Variants in PTPN11 observed in about 807,000 individuals in gnomAD.
The protein encoded by PTPN11 is tyrosine-protein phosphatase non-receptor type 11.
A neutral mutation model predicts 78.8 loss-of-function variants in PTPN11; 6 were observed. The observed-to-expected ratio is 0.08, with a 90% CI of 0.04 to 0.15. PTPN11 has a LOEUF of 0.15. PTPN11 is among the 10% of genes least tolerant of loss of function. PTPN11 has a pLI of 1.00. For missense variants in PTPN11, 386 were observed against 744.8 expected (o/e 0.52, Z 5.61); for synonymous variants, 221 against 263.5 (o/e 0.84, Z 1.56).
chr12:112,455,232 CTT>C (rs997021901), intron 5 of PTPN11, among the ~76,000 whole-genome samples: 64 of 116,266 alleles, frequency 5.5e-4, no homozygotes, highest in African/African-American at 1.8e-3. Context: ...TACAGAGGTT[CTT>C]TTTTTTTTTT....
At chr12:112,472,322 A>G (rs752007544) in intron 6 of PTPN11, among the ~76,000 whole-genome samples, 2 of 152,138 alleles carry the variant, frequency 1.3e-5, no homozygotes, top group Non-Finnish European at 2.9e-5. Context: ...ATGCAAGTGT[A>G]TGATTACATC....
At chr12:112,501,029 C>T (rs776146264) in intron 13 of PTPN11, among the ~76,000 whole-genome samples, 11 of 152,088 alleles carry the variant, frequency 7.2e-5, no homozygotes, top group Non-Finnish European at 1.5e-4. Context: ...CTCAGCCTCC[C>T]GAGTAGCTGG....
intron 15 of PTPN11, among the ~76,000 whole-genome samples, 160 bp from the exon 16 acceptor site, chr12:112,505,656 CAAAAAAAAA>C (rs1191524369): frequency 2.7e-5 from 1 of 36,734 alleles, no homozygotes; most frequent in Non-Finnish European, 6.4e-5. Flanking sequence ...AACTCCATCT[CAAAAAAAAA>C]AAAAAAAAAA....
In PTPN11 at chr12:112,419,013, G is replaced by A; in HGVS notation, c.-99G>A. The A allele has an allele frequency of 6.8e-7, 1 of 1,480,596 alleles. No homozygotes were observed. Among genetic ancestry groups the A allele is most frequent in the Non-Finnish European group, 9.1e-7 (1 of 1,100,172 alleles). The allele number at this position is 1,480,596 out of a possible 1,614,324, so 91.7% of individuals were successfully genotyped here. The stretch of plus-strand genomic sequence containing the variant: ...GCCGGCTGGCTCTGCCCCGCGTCCG[G>A]TCCCGAGCGGGCCTCCCTCGGGCCA... On this transcript the variant is annotated 5_prime_UTR_variant, in exon 1 of 16. Transcript: ENST00000351677.
chr12:112,452,103 T>G (rs1371271195), intron 3 of PTPN11, among the ~76,000 whole-genome samples: 2 of 152,196 alleles, frequency 1.3e-5, no homozygotes, highest in East Asian at 3.8e-4. Flanking sequence ...CTCAAACTCC[T>G]GAACTCAGGT....
chr12:112,442,857 T>TATATATAAATTATATATACAC (rs2037923726), intron 1 of PTPN11, among the ~76,000 whole-genome samples: 1 of 76,142 alleles, frequency 1.3e-5, no homozygotes, highest in African/African-American at 6.4e-5. Context: ...TATATATATA[T>TATATATAAATTATATATACAC]ATATATATAT....
chr12:112,479,881 C>T (rs1200938386), intron 9 of PTPN11, among the ~76,000 whole-genome samples: 1 of 152,140 alleles, frequency 6.6e-6, no homozygotes, highest in East Asian at 1.9e-4. Flanking sequence ...CTGTCTCATT[C>T]TTCCTCTTTA....
At chr12:112,470,796 T>G (rs2038403054) in intron 6 of PTPN11, among the ~76,000 whole-genome samples, 1 of 152,220 alleles carries the variant, frequency 6.6e-6, no homozygotes. Flanking sequence ...GTCGTTTCAC[T>G]TCATTTAGTT....
intron 10 of PTPN11, among the ~76,000 whole-genome samples, chr12:112,484,441 G>A (rs2038643617): frequency 6.6e-6 from 1 of 152,182 alleles, no homozygotes; most frequent in Non-Finnish European, 1.5e-5. Context: ...GAGGCACATG[G>A]TAGAGAGAGA....
intron 6 of PTPN11, among the ~76,000 whole-genome samples, chr12:112,459,683 G>A (rs533990192): frequency 6.6e-6 from 1 of 152,120 alleles, no homozygotes; most frequent in South Asian, 2.1e-4. Context: ...GGCCACGCTG[G>A]TCTCAAACTC....
At chr12:112,479,254 G>GTT in intron 9 of PTPN11, among the ~76,000 whole-genome samples, 1 of 149,866 alleles carries the variant, frequency 6.7e-6, no homozygotes. Flanking sequence ...CACCATGGTG[G>GTT]TTTTTTTTTT....
intron 1 of PTPN11, among the ~76,000 whole-genome samples, chr12:112,443,468 C>T (rs570793729): frequency 2.6e-5 from 4 of 151,642 alleles, no homozygotes; most frequent in African/African-American, 9.7e-5. Context: ...AAGCGATTCT[C>T]CTGCCTCAGC....
rs1039304965 is a variant in PTPN11 at position 112,455,803 on chromosome 12, C to T, written c.643-147C>T. On this transcript the variant is annotated intron_variant, in intron 5 of 15. Coordinates refer to ENST00000351677, the MANE Select transcript of PTPN11 (RefSeq NM_002834.5). The stretch of plus-strand genomic sequence containing the variant: ...AAAACACGGTGAAACGATTTGAAAA[C>T]TTTTATTGTGAATTACAGGGTCCTA... 6.2e-6 allele frequency: 4 copies of T among 647,524 alleles called. No individual in the cohort carries two copies. The Admixed American group carries it at 1.1e-4, about 19-fold the overall frequency. The allele number at this position is 647,524 out of a possible 1,614,324, so 40.1% of individuals were successfully genotyped here. A position where few individuals can be genotyped will look rare whatever the true frequency, so the allele number is the denominator to read the frequency against.
intron 1 of PTPN11, among the ~76,000 whole-genome samples, chr12:112,442,741 C>T (rs749043372): frequency 6.8e-6 from 1 of 148,086 alleles, no homozygotes; most frequent in Admixed American, 6.8e-5. Flanking sequence ...AGTGAACCAC[C>T]GCGCCTGGCC....
chr12:112,475,265 A>G (rs973850879), intron 7 of PTPN11, among the ~76,000 whole-genome samples: 2 of 152,142 alleles, frequency 1.3e-5, no homozygotes, highest in Non-Finnish European at 2.9e-5. Context: ...GGGGTTCTCC[A>G]TTGATGTGCT....
chr12:112,423,433 G>A (rs1231478252), intron 1 of PTPN11, among the ~76,000 whole-genome samples: 2 of 151,960 alleles, frequency 1.3e-5, no homozygotes, highest in East Asian at 1.9e-4. Context: ...TTACAGGTGC[G>A]TGCCACCATG....
At chr12:112,422,466 A>T (rs773273432) in intron 1 of PTPN11, among the ~76,000 whole-genome samples, 1 of 152,140 alleles carries the variant, frequency 6.6e-6, no homozygotes, top group African/African-American at 2.4e-5. Context: ...TTCCTTCAGC[A>T]TGTGGTACCT....
intron 1 of PTPN11, among the ~76,000 whole-genome samples, chr12:112,427,841 C>G (rs2037645316): frequency 6.6e-6 from 1 of 152,038 alleles, no homozygotes; most frequent in Admixed American, 6.6e-5. Flanking sequence ...AGCCCAAACT[C>G]CTGGGCTCAA....
chr12:112,424,918 T>TGC (rs2037585990), intron 1 of PTPN11, among the ~76,000 whole-genome samples: 2 of 139,890 alleles, frequency 1.4e-5, no homozygotes, highest in African/African-American at 5.3e-5. Flanking sequence ...TGTGTGTGTG[T>TGC]GCTGGGACTG....
Sources: allele counts gnomAD v4.1 joint callset (sites outside exome capture counted in the v4.1 genomes callset), GRCh38; gene constraint gnomAD v4.1.1; transcripts MANE v1.5; gene names NCBI Gene and HGNC (gene_info 2026-07-23, HGNC 2026-07-21).